PLEKHG1: variants seen among roughly 807,000 people sequenced by gnomAD.
PLEKHG1 encodes the protein pleckstrin homology domain-containing family G member 1.
In PLEKHG1, 44 loss-of-function variants were observed where a neutral mutation model predicts 100.8. The observed-to-expected ratio is 0.44, with a 90% CI of 0.34 to 0.56. The LOEUF is 0.56. PLEKHG1 is among the 20% of genes least tolerant of loss of function. The pLI, the probability that PLEKHG1 is intolerant of heterozygous loss-of-function variation, is 0.01. For missense variants in PLEKHG1, 1,545 were observed against 1,720.9 expected (o/e 0.90, Z 1.81); for synonymous variants, 640 against 662.5 (o/e 0.97, Z 0.52).
At chr6:150,725,880 A>T (rs1395215334) in intron 1 of PLEKHG1, among the ~76,000 whole-genome samples, 2 of 151,448 alleles carry the variant, frequency 1.3e-5, no homozygotes, top group Non-Finnish European at 2.9e-5. Context: ...TTCTTTTTGC[A>T]TGTGATATAA....
Position 150,683,411 on chromosome 6 carries a change from T to C in PLEKHG1, c.-99+32625T>C, listed in dbSNP as rs1451559422. Among the ~76,000 whole-genome samples the C allele has an allele frequency of 6.6e-6, 1 of 151,860 alleles. No homozygotes were observed. Among genetic ancestry groups the C allele is most frequent in the East Asian group, 1.9e-4 (1 of 5,150 alleles). On this transcript the variant is annotated intron_variant, in intron 3 of 3. Coordinates refer to the PLEKHG1 transcript ENST00000367326. The surrounding 1 kb of genome is among the most constrained non-coding windows in gnomAD (Gnocchi z 4.0). The stretch of plus-strand genomic sequence containing the variant: ...CAATAAGACAGGTTCCGGAGGGAAA[T>C]GACTTCATGGGCTCACTGTTGAGCT...
intron 1 of PLEKHG1, among the ~76,000 whole-genome samples, chr6:150,635,846 G>C (rs893099049): frequency 2.4e-4 from 36 of 152,252 alleles, no homozygotes; most frequent in Admixed American, 1.0e-3. Context: ...GACTCGTCAA[G>C]CAGTTAAATA....
At chr6:150,730,985 A>G (rs1447736910) in intron 1 of PLEKHG1, among the ~76,000 whole-genome samples, 2 of 152,108 alleles carry the variant, frequency 1.3e-5, no homozygotes, top group African/African-American at 4.8e-5. Context: ...AAATATCCTC[A>G]GATACTTCCC....
chr6:150,643,982 C>G (rs1778377598), intron 2 of PLEKHG1, among the ~76,000 whole-genome samples: 1 of 151,802 alleles, frequency 6.6e-6, no homozygotes, highest in Non-Finnish European at 1.5e-5. Flanking sequence ...GCAAGGAAAG[C>G]TATAGAGCGT....
chr6:150,684,390 G>A (rs1274774754), intron 3 of PLEKHG1, among the ~76,000 whole-genome samples: 1 of 152,234 alleles, frequency 6.6e-6, no homozygotes, highest in Non-Finnish European at 1.5e-5. Context: ...ATGCACAAAG[G>A]AGGTTCTCCT....
chr6:150,650,652 A>G (rs1778692000), intron 2 of PLEKHG1, 76 bp from the exon 2 acceptor site: 3 of 152,224 alleles, frequency 2.0e-5, no homozygotes, highest in Admixed American at 2.0e-4. Context: ...CTGATAGCTC[A>G]TCCATGTTCC....
At chr6:150,787,247 C>T (rs1785677420) in intron 4 of PLEKHG1, among the ~76,000 whole-genome samples, 1 of 152,118 alleles carries the variant, frequency 6.6e-6, no homozygotes. Flanking sequence ...AAAATGTACT[C>T]TTCCACTGTT....
At chr6:150,624,289 C>G (rs529354965) in intron 1 of PLEKHG1, among the ~76,000 whole-genome samples, 38 of 152,156 alleles carry the variant, frequency 2.5e-4, no homozygotes, top group Non-Finnish European at 5.0e-4. Context: ...GGCCCTCACA[C>G]CCTGCCTATC....
At position 150,600,100 on chromosome 6, in the gene PLEKHG1, A is replaced by G; in HGVS notation, c.-204+83A>G. On this transcript the variant is annotated intron_variant, in intron 1 of 3. Coordinates refer to the PLEKHG1 transcript ENST00000367326. The surrounding 1 kb of genome is among the most constrained non-coding windows in gnomAD (Gnocchi z 6.2). ...CCCGGGGACCTCCGGCGGGAGCCCC[A>G]CATCCGCAGGTGGGGCCGGGCGGAG... The G allele has an allele frequency of 5.9e-6, 1 of 170,866 alleles. No individual in the cohort carries two copies. Among genetic ancestry groups the G allele is most frequent in the Non-Finnish European group, 1.3e-5 (1 of 77,696 alleles). 10.6% of individuals were successfully genotyped at this position (170,866 alleles called of 1,614,324 possible). A position where few individuals can be genotyped will look rare whatever the true frequency, so the allele number is the denominator to read the frequency against.
intron 3 of PLEKHG1, among the ~76,000 whole-genome samples, chr6:150,713,746 A>G (rs1325085137): frequency 6.6e-6 from 1 of 152,044 alleles, no homozygotes; most frequent in Non-Finnish European, 1.5e-5. Context: ...CCCTGGGTCT[A>G]TGGGAAGGGG....
At chr6:150,722,677 G>T (rs1044056484) in intron 1 of PLEKHG1, among the ~76,000 whole-genome samples, 3 of 152,088 alleles carry the variant, frequency 2.0e-5, no homozygotes, top group African/African-American at 7.2e-5. Flanking sequence ...AAAAGAACAT[G>T]TCTAATGTAC....
At chr6:150,618,238 T>A (rs1413420927) in intron 1 of PLEKHG1, among the ~76,000 whole-genome samples, 1 of 152,226 alleles carries the variant, frequency 6.6e-6, no homozygotes, top group African/African-American at 2.4e-5. Flanking sequence ...ACAATGAAGA[T>A]GATGTCAGAA....
At chr6:150,665,266 G>A (rs192206444) in intron 3 of PLEKHG1, among the ~76,000 whole-genome samples, 2 of 152,188 alleles carry the variant, frequency 1.3e-5, no homozygotes. Flanking sequence ...AAAACACTAC[G>A]TCATTAGAAG....
chr6:150,635,476 G>A (rs550886378), intron 1 of PLEKHG1, among the ~76,000 whole-genome samples: 1 of 152,296 alleles, frequency 6.6e-6, no homozygotes, highest in South Asian at 2.1e-4. Context: ...TGGGAAACAA[G>A]CATCTACTTT....
At chr6:150,649,050 CT>C (rs910624755) in intron 2 of PLEKHG1, among the ~76,000 whole-genome samples, 144 of 150,990 alleles carry the variant, frequency 9.5e-4, no homozygotes, top group Middle Eastern at 3.4e-3. Flanking sequence ...CAGAATCCTG[CT>C]TTTTTTTTAA....
intron 3 of PLEKHG1, among the ~76,000 whole-genome samples, chr6:150,664,846 A>G (rs1032333450): frequency 3.9e-5 from 6 of 152,096 alleles, no homozygotes; most frequent in Admixed American, 6.5e-5. Flanking sequence ...AGATGCTTCT[A>G]TCTCGGGGAG....
At chr6:150,710,906 T>C (rs552704857) in intron 3 of PLEKHG1, among the ~76,000 whole-genome samples, 1 of 152,196 alleles carries the variant, frequency 6.6e-6, no homozygotes, top group South Asian at 2.1e-4. Flanking sequence ...CCTTTACACG[T>C]TTCCATAGTG....
intron 10 of PLEKHG1, among the ~76,000 whole-genome samples, chr6:150,810,584 A>C (rs1583176869): frequency 6.8e-6 from 1 of 147,146 alleles, no homozygotes; most frequent in East Asian, 2.0e-4. Context: ...GATAGAATAT[A>C]TAGGAACTAC....
chr6:150,819,249 A>G (rs1036858982), intron 11 of PLEKHG1, among the ~76,000 whole-genome samples: 2 of 151,820 alleles, frequency 1.3e-5, no homozygotes, highest in East Asian at 3.9e-4. Context: ...GGAGGATCAT[A>G]TCCATGTCAG....
Sources: allele counts gnomAD v4.1 joint callset (sites outside exome capture counted in the v4.1 genomes callset), GRCh38; gene constraint gnomAD v4.1.1; non-coding constraint Gnocchi (gnomAD v3.1); transcripts MANE v1.5; gene names NCBI Gene and HGNC (gene_info 2026-07-23, HGNC 2026-07-21).